CASP10: variants seen among roughly 807,000 people sequenced by gnomAD.
CASP10 encodes caspase 10.
CASP10 carries 41 observed loss-of-function variants against 48.5 expected under a neutral mutation model. That is an observed-to-expected ratio of 0.85 (90% CI 0.66 to 1.10). CASP10 has a LOEUF of 1.10. Among genes scored for constraint, CASP10 ranks in the 50% least tolerant of loss-of-function variants. CASP10 has a pLI of 0.00. For synonymous variants in CASP10, 232 were observed against 238.4 expected (o/e 0.97, Z 0.25); for missense variants, 614 against 614.5 (o/e 1.00, Z 0.01).
rs749091061 is a variant in CASP10 at position 201,217,784 on chromosome 2, G to A, written c.*43G>A. On this transcript the variant is annotated 3_prime_UTR_variant, in exon 10 of 10. Coordinates refer to ENST00000286186, the MANE Select transcript of CASP10 (RefSeq NM_032977.4). ...TTCTTAGACCTCAAACGAATCATTG[G>A]CTATAACCTCCAGCCTCCTGCCCAG... 2.4e-5 allele frequency: 39 copies of A among 1,613,302 alleles called. No individual in the cohort carries two copies. The South Asian group carries it at 4.0e-4, about 16-fold the overall frequency.
intron 1 of CASP10, among the ~76,000 whole-genome samples, chr2:201,184,859 A>G (rs965491585): frequency 5.9e-5 from 9 of 152,200 alleles, no homozygotes; most frequent in Admixed American, 1.3e-4. Context: ...AGTTTATTAG[A>G]GAAGTAAAGA....
Position 201,218,410 on chromosome 2 carries a change from C to T in CASP10, c.*669C>T. The T allele has an allele frequency of 2.4e-6, 2 of 827,438 alleles. No homozygotes were observed. Among genetic ancestry groups the T allele is most frequent in the Non-Finnish European group, 2.9e-6 (2 of 685,822 alleles). The allele number at this position is 827,438 out of a possible 1,614,324, so 51.3% of individuals were successfully genotyped here. A position where few individuals can be genotyped will look rare whatever the true frequency, so the allele number is the denominator to read the frequency against. On this transcript the variant is annotated 3_prime_UTR_variant, in exon 10 of 10. Transcript: ENST00000286186. ...CTTGACCTCCCAGGTTCAAGCGATC[C>T]TCCCACCTCAGCCTCCCAAGTAGCT...
Position 201,220,721 on chromosome 2 carries a change from C to T in CASP10, c.*2980C>T. 1 of 984,216 alleles carries T rather than the reference C, an allele frequency of 1.0e-6. No homozygotes were observed. The highest frequency in any genetic ancestry group is 1.2e-6 in the Non-Finnish European group (1 of 828,780). 61.0% of individuals were successfully genotyped at this position (984,216 alleles called of 1,614,324 possible). A position where few individuals can be genotyped will look rare whatever the true frequency, so the allele number is the denominator to read the frequency against. ...TCAAGCCACCTTTCATGTTTCTTTC[C>T]TCTTTCTTTAATTCTTACACATGTG... On this transcript the variant is annotated 3_prime_UTR_variant, in exon 10 of 10. Coordinates refer to ENST00000286186, the MANE Select transcript of CASP10 (RefSeq NM_032977.4).
chr2:201,193,975 T>C (rs1944702601), intron 4 of CASP10, among the ~76,000 whole-genome samples: 1 of 152,204 alleles, frequency 6.6e-6, no homozygotes. Flanking sequence ...AAAATGCATG[T>C]CTGGCATGGA....
rs370692630 is a variant in CASP10 at position 201,196,016 on chromosome 2, A to AC, written c.684+72dup. 5.4e-4 allele frequency: 573 copies of AC among 1,054,136 alleles called. 8 individuals carry two copies. The South Asian group carries it at 5.6e-3, about 10-fold the overall frequency. 65.3% of individuals were successfully genotyped at this position (1,054,136 alleles called of 1,614,324 possible). A position where few individuals can be genotyped will look rare whatever the true frequency, so the allele number is the denominator to read the frequency against. On this transcript the variant is annotated intron_variant, in intron 5 of 9. Coordinates refer to ENST00000286186, the MANE Select transcript of CASP10 (RefSeq NM_032977.4). ...CACCCTCCAACCTCCCCTCCCTGCC[A>AC]CCCCAAAAAAGAAAAAGAGAGAGAG...
chr2:201,197,148 A>G, intron 5 of CASP10, among the ~76,000 whole-genome samples: 1 of 151,746 alleles, frequency 6.6e-6, no homozygotes, highest in South Asian at 2.1e-4. Flanking sequence ...TTTATTTAAA[A>G]TTTTTTTTTA....
intron 5 of CASP10, among the ~76,000 whole-genome samples, chr2:201,197,435 C>T (rs558022722): frequency 4.6e-5 from 7 of 152,172 alleles, no homozygotes; most frequent in African/African-American, 1.7e-4. Context: ...GCCAACATAG[C>T]GAAACCCCAT....
chr2:201,183,856 CTTTA>C (rs71022352), intron 1 of CASP10, among the ~76,000 whole-genome samples: 62,221 of 149,220 alleles, frequency 0.42, 13,353 homozygotes, highest in Non-Finnish European at 0.48. Flanking sequence ...GTCTTCCTTC[CTTTA>C]TTTATTTATT....
intron 7 of CASP10, 158 bp downstream of exon 7, chr2:201,206,131 C>T (rs1250173404): frequency 3.5e-6 from 2 of 574,004 alleles, no homozygotes; most frequent in African/African-American, 3.8e-5. Flanking sequence ...CTCCCTCTCT[C>T]TGTAATTATC....
Position 201,220,773 on chromosome 2 carries a change from C to T in CASP10, c.*3032C>T. ...CAGGATGATCTCCCAAAACCGTGTT[C>T]ATAACAGTCAGGGCCAAAAGCTAGT... On this transcript the variant is annotated 3_prime_UTR_variant, in exon 10 of 10. Coordinates refer to ENST00000286186, the MANE Select transcript of CASP10 (RefSeq NM_032977.4). 1.0e-6 allele frequency: 1 copy of T among 985,450 alleles called. No homozygotes were observed. The highest frequency in any genetic ancestry group is 1.2e-6 in the Non-Finnish European group (1 of 829,930). 61.0% of individuals were successfully genotyped at this position (985,450 alleles called of 1,614,324 possible).
chr2:201,203,493 GGT>G (rs1293553285), intron 5 of CASP10, among the ~76,000 whole-genome samples: 2 of 152,062 alleles, frequency 1.3e-5, no homozygotes, highest in African/African-American at 4.8e-5. Flanking sequence ...TTTTAGTAGA[GGT>G]GGGGTTTCAC....
chr2:201,205,838 G>A, intron 6 of CASP10, 44 bp from the exon 7 acceptor site: 1 of 1,141,556 alleles, frequency 8.8e-7, no homozygotes, highest in Non-Finnish European at 1.3e-6. Flanking sequence ...AGAAATCTAA[G>A]TGCTTGGGGA....
intron 2 of CASP10, chr2:201,186,462 G>A (rs564100690): frequency 5.7e-6 from 2 of 349,596 alleles, no homozygotes; most frequent in African/African-American, 4.2e-5. Flanking sequence ...GGATCCACTA[G>A]TCTGTCTACC....
At chr2:201,216,809 A>G (rs1303066448) in intron 9 of CASP10, among the ~76,000 whole-genome samples, 1 of 152,164 alleles carries the variant, frequency 6.6e-6, no homozygotes, top group Non-Finnish European at 1.5e-5. Context: ...TGATGGAGCC[A>G]CAATTTAAAA....
At chr2:201,191,754 A>G (rs965372810) in intron 3 of CASP10, among the ~76,000 whole-genome samples, 6 of 152,226 alleles carry the variant, frequency 3.9e-5, no homozygotes, top group Admixed American at 6.5e-5. Flanking sequence ...GATAGCTTTC[A>G]TAGAAATGTA....
At position 201,220,767 on chromosome 2, in the gene CASP10, C is replaced by T. The variant is rs1373557320; in HGVS notation, c.*3026C>T. The T allele has an allele frequency of 1.3e-5, 13 of 985,298 alleles. No individual in the cohort carries two copies. The highest frequency in any genetic ancestry group is 1.4e-5 in the Non-Finnish European group (12 of 829,948). 61.0% of individuals were successfully genotyped at this position (985,298 alleles called of 1,614,324 possible). A position where few individuals can be genotyped will look rare whatever the true frequency, so the allele number is the denominator to read the frequency against. On this transcript the variant is annotated 3_prime_UTR_variant, in exon 10 of 10. Transcript: ENST00000286186. ...ATGTGTCAGGATGATCTCCCAAAAC[C>T]GTGTTCATAACAGTCAGGGCCAAAA... is the stretch of plus-strand genomic sequence containing the variant.
intron 5 of CASP10, among the ~76,000 whole-genome samples, chr2:201,197,703 CTGAT>C (rs1391707767): frequency 6.6e-6 from 1 of 152,234 alleles, no homozygotes; most frequent in Admixed American, 6.5e-5. Context: ...CAAGAACCTA[CTGAT>C]GACTCTGAGT....
intron 2 of CASP10, 121 bp from the exon 3 acceptor site, chr2:201,187,585 A>C: frequency 1.2e-6 from 1 of 808,284 alleles, no homozygotes; most frequent in Non-Finnish European, 2.2e-6. Flanking sequence ...TGGGATTAAT[A>C]ATTGTCTACA....
At chr2:201,206,987 C>T (rs1406395758) in intron 7 of CASP10, among the ~76,000 whole-genome samples, 1 of 152,106 alleles carries the variant, frequency 6.6e-6, no homozygotes, top group Non-Finnish European at 1.5e-5. Flanking sequence ...TTGAGCTTCT[C>T]CAGCCAAACC....
Sources: gnomAD v4.1 joint callset for allele counts (sites outside exome capture counted in the v4.1 genomes callset) on GRCh38, gnomAD v4.1.1 for gene constraint, MANE v1.5 for transcripts, NCBI Gene and HGNC (gene_info 2026-07-23, HGNC 2026-07-21) for gene names.